The following HPSE2 variants were observed in gnomAD, a reference collection of about 807,000 sequenced individuals.
The protein encoded by HPSE2 is heparanase 2 (inactive), also known as inactive heparanase-2.
HPSE2 carries 38 observed loss-of-function variants against 60.5 expected under a neutral mutation model. The observed-to-expected ratio is 0.63, with a 90% CI of 0.48 to 0.82. The LOEUF (loss-of-function observed/expected upper bound fraction) is 0.82, where lower values mean the gene tolerates loss of function less well. HPSE2 is among the 40% of genes least tolerant of loss of function. The pLI is 0.00. For synonymous variants in HPSE2, 295 were observed against 293.2 expected, an observed-to-expected ratio of 1.01 and a Z score of -0.06; for missense variants, 713 against 740.4, an observed-to-expected ratio of 0.96 and a Z score of 0.43.
intron 3 of HPSE2, among the ~76,000 whole-genome samples, chr10:98,870,741 T>C (rs1435831865): frequency 6.6e-6 from 1 of 152,042 alleles, no homozygotes; most frequent in Non-Finnish European, 1.5e-5. Flanking sequence ...AAAATTGTTG[T>C]CATGAGATAC....
intron 3 of HPSE2, among the ~76,000 whole-genome samples, chr10:99,021,950 G>A (rs1037886905): frequency 3.3e-5 from 5 of 151,438 alleles, no homozygotes; most frequent in Admixed American, 3.3e-4. Context: ...ATGCAGGTTT[G>A]TTACATATGT....
chr10:99,043,217 G>A (rs1957780750), intron 3 of HPSE2, among the ~76,000 whole-genome samples: 1 of 152,204 alleles, frequency 6.6e-6, no homozygotes, highest in Non-Finnish European at 1.5e-5. Context: ...GGGCATGGTG[G>A]CTCATGTCTG....
chr10:98,588,290 T>G (rs1478449060), intron 9 of HPSE2, among the ~76,000 whole-genome samples: 1 of 151,934 alleles, frequency 6.6e-6, no homozygotes, highest in Admixed American at 6.6e-5. Flanking sequence ...GCCAGGACAT[T>G]GCCTGCATCA....
At chr10:98,630,183 G>A (rs1442716654) in intron 7 of HPSE2, among the ~76,000 whole-genome samples, 18 of 129,906 alleles carry the variant, frequency 1.4e-4, no homozygotes, top group South Asian at 7.2e-4. Flanking sequence ...CGAAGCAATC[G>A]TTTTTTTTTT....
At chr10:99,177,862 T>A (rs1847592596) in intron 2 of HPSE2, among the ~76,000 whole-genome samples, 1 of 152,098 alleles carries the variant, frequency 6.6e-6, no homozygotes, top group Non-Finnish European at 1.5e-5. Context: ...ATTGACCACA[T>A]AATTGGAAGT....
intron 3 of HPSE2, among the ~76,000 whole-genome samples, chr10:99,032,075 C>T (rs906762418): frequency 6.6e-6 from 1 of 152,126 alleles, no homozygotes; most frequent in Non-Finnish European, 1.5e-5. Flanking sequence ...AATATAAGCA[C>T]AATAATCTCA....
chr10:98,461,128 T>C (rs1166524733), intron 11 of HPSE2, among the ~76,000 whole-genome samples: 1 of 152,250 alleles, frequency 6.6e-6, no homozygotes, highest in Non-Finnish European at 1.5e-5. Flanking sequence ...GTTCCTTCTG[T>C]GCTATGAATG....
chr10:99,086,628 A>T (rs1283033766), intron 3 of HPSE2, among the ~76,000 whole-genome samples: 2 of 152,070 alleles, frequency 1.3e-5, no homozygotes, highest in African/African-American at 4.8e-5. Flanking sequence ...CTGGGATTAC[A>T]GGCGTGAGCC....
the HPSE2 span, among the ~76,000 whole-genome samples, chr10:99,291,570 A>G: frequency 0.86 from 125,564 of 146,822 alleles, 54,089 homozygotes; most frequent in African/African-American, 0.92. Context: ...GTGACAAAGC[A>G]AGACTCCATC....
At chr10:99,153,975 T>C (rs1846405132) in intron 2 of HPSE2, among the ~76,000 whole-genome samples, 1 of 152,188 alleles carries the variant, frequency 6.6e-6, no homozygotes. Context: ...CAGGAGCTGA[T>C]GCGATCAAAT....
chr10:98,525,098 C>T (rs1338353978), intron 9 of HPSE2, among the ~76,000 whole-genome samples: 3 of 152,212 alleles, frequency 2.0e-5, no homozygotes, highest in African/African-American at 7.2e-5. Flanking sequence ...GCAACCTCCA[C>T]CTCCTGAGTT....
intron 9 of HPSE2, among the ~76,000 whole-genome samples, chr10:98,536,608 G>A (rs566714654): frequency 1.3e-5 from 2 of 152,180 alleles, no homozygotes; most frequent in African/African-American, 4.8e-5. Flanking sequence ...AGTCAGGTAA[G>A]GCAGGAGAAG....
chr10:98,681,169 C>A (rs1338432993), intron 6 of HPSE2, among the ~76,000 whole-genome samples: 4 of 151,554 alleles, frequency 2.6e-5, no homozygotes, highest in African/African-American at 9.7e-5. Flanking sequence ...CAAAAATGAA[C>A]AAAGTGAGCT....
chr10:98,694,599 A>G (rs1037700751), intron 5 of HPSE2, among the ~76,000 whole-genome samples: 1 of 152,214 alleles, frequency 6.6e-6, no homozygotes, highest in Non-Finnish European at 1.5e-5. Context: ...CGTGCAGTTA[A>G]GCACACATCA....
intron 3 of HPSE2, among the ~76,000 whole-genome samples, chr10:98,831,168 C>A (rs1182640005): frequency 6.6e-6 from 1 of 152,152 alleles, no homozygotes; most frequent in East Asian, 1.9e-4. Flanking sequence ...GTCTCATCTG[C>A]TATGCCAATC....
chr10:99,056,953 A>G (rs1958128277), intron 3 of HPSE2, among the ~76,000 whole-genome samples: 1 of 152,204 alleles, frequency 6.6e-6, no homozygotes, highest in African/African-American at 2.4e-5. Flanking sequence ...ATGAGTATTG[A>G]GAACGTTAGG....
At chr10:98,996,968 G>A (rs1462813424) in intron 3 of HPSE2, among the ~76,000 whole-genome samples, 1 of 152,146 alleles carries the variant, frequency 6.6e-6, no homozygotes, top group Non-Finnish European at 1.5e-5. Context: ...GTAGGCATTT[G>A]TGAAAACTGA....
chr10:98,730,454 A>C (rs1013711113), intron 4 of HPSE2, among the ~76,000 whole-genome samples: 3 of 152,110 alleles, frequency 2.0e-5, no homozygotes, highest in African/African-American at 7.2e-5. Context: ...CGAGCAAAAC[A>C]AAGGAATGAA....
chr10:99,166,238 C>T (rs12357583), intron 2 of HPSE2, among the ~76,000 whole-genome samples: 74,237 of 152,056 alleles, frequency 0.49, 20,872 homozygotes, highest in East Asian at 0.65. Context: ...TTCTAGTTTT[C>T]GAGAATGAAT....
Sources: allele counts gnomAD v4.1 joint callset (sites outside exome capture counted in the v4.1 genomes callset), GRCh38; gene constraint gnomAD v4.1.1; transcripts MANE v1.5; gene names NCBI Gene and HGNC (gene_info 2026-07-23, HGNC 2026-07-21).